The following FHOD3 variants were observed in gnomAD, a reference collection of about 807,000 sequenced individuals.
The protein encoded by FHOD3 is formin homology 2 domain containing 3.
FHOD3 carries 90 observed loss-of-function variants against 173.0 expected under a neutral mutation model. The ratio of observed to expected loss-of-function variants is 0.52; its 90% confidence interval spans 0.44 to 0.62. FHOD3 has a LOEUF of 0.62. Ranked by LOEUF, FHOD3 falls within the 20% of genes least tolerant of loss-of-function variation. The probability of loss-of-function intolerance (pLI) is 0.00; values close to 1 mark genes in which losing one functional copy is unlikely to be tolerated. For synonymous variants in FHOD3, 828 were observed against 823.0 expected (o/e 1.01, Z -0.10); for missense variants, 1,945 against 2,034.7 (o/e 0.96, Z 0.85).
chr18:36,563,162 A>G (rs528101264), intron 5 of FHOD3, among the ~76,000 whole-genome samples: 1 of 152,352 alleles, frequency 6.6e-6, no homozygotes, highest in South Asian at 2.1e-4. Flanking sequence ...AATCCTAAAT[A>G]GAGAGAAGTA....
At chr18:36,454,386 C>A (rs933645573) in intron 3 of FHOD3, among the ~76,000 whole-genome samples, 1 of 152,124 alleles carries the variant, frequency 6.6e-6, no homozygotes, top group African/African-American at 2.4e-5. Context: ...AGCACACACA[C>A]AGGCATACAC....
chr18:36,652,030 G>T (rs897868392), intron 11 of FHOD3, among the ~76,000 whole-genome samples: 1 of 152,114 alleles, frequency 6.6e-6, no homozygotes, highest in African/African-American at 2.4e-5. Context: ...TGCCTTCCTC[G>T]CTGGCATTTT....
intron 6 of FHOD3, among the ~76,000 whole-genome samples, chr18:36,589,791 A>ACTC (rs1157606325): frequency 6.6e-6 from 1 of 150,518 alleles, no homozygotes; most frequent in Non-Finnish European, 1.5e-5. Context: ...GTTGCCCTGT[A>ACTC]CTCCTGTGTG....
intron 20 of FHOD3, among the ~76,000 whole-genome samples, chr18:36,733,054 A>C (rs2041452185): frequency 6.6e-6 from 1 of 152,218 alleles, no homozygotes; most frequent in Non-Finnish European, 1.5e-5. Context: ...CCGACCTCCC[A>C]GTAGAGAGCA....
At chr18:36,360,023 G>A (rs117876148) in intron 2 of FHOD3, among the ~76,000 whole-genome samples, 45 of 152,344 alleles carry the variant, frequency 3.0e-4, no homozygotes, top group Non-Finnish European at 5.4e-4. Context: ...AAGAGACCTC[G>A]ATGGAGGTTT....
At chr18:36,467,326 G>A (rs1207044353) in intron 3 of FHOD3, among the ~76,000 whole-genome samples, 2 of 152,308 alleles carry the variant, frequency 1.3e-5, no homozygotes, top group South Asian at 2.1e-4. Flanking sequence ...AAGCCATTGT[G>A]TGAAGAACAT....
rs1273778594 is a variant in FHOD3, at chr18:36,763,525, ATAAT to A, written c.4624+2744_4624+2747del. Among the ~76,000 whole-genome samples, 4 of 138,016 alleles carry A rather than the reference ATAAT, an allele frequency of 2.9e-5. 1 individual carries two copies. Among genetic ancestry groups the A allele is most frequent in the Non-Finnish European group, 6.2e-5 (4 of 64,372 alleles). The allele number at this position is 138,016 out of a possible 152,430, so 90.5% of individuals were successfully genotyped here. On this transcript the variant is annotated intron_variant, in intron 27 of 28. Coordinates refer to ENST00000590592, the MANE Select transcript of FHOD3 (RefSeq NM_001281740.3). ...AATATGTGTATTATACACGTTATAT[ATAAT>A]ATGTGTATTATACACGTTATATATA... is the stretch of plus-strand genomic sequence containing the variant.
chr18:36,546,197 GT>G, intron 5 of FHOD3, among the ~76,000 whole-genome samples: 1 of 152,296 alleles, frequency 6.6e-6, no homozygotes, highest in African/African-American at 2.4e-5. Context: ...ATCTTGAGAT[GT>G]TTCTGGCAAC....
At chr18:36,639,755 G>A (rs144915237) in intron 10 of FHOD3, among the ~76,000 whole-genome samples, 3,787 of 151,094 alleles carry the variant, frequency 0.025, 172 homozygotes, top group African/African-American at 0.088. Flanking sequence ...CCTGGGAGGC[G>A]GAGCTTGCAG....
chr18:36,364,870 C>T (rs2046819477), intron 2 of FHOD3, among the ~76,000 whole-genome samples: 1 of 151,658 alleles, frequency 6.6e-6, no homozygotes, highest in Non-Finnish European at 1.5e-5. Context: ...GAGTGGTGAG[C>T]AGGAGATTTA....
intron 9 of FHOD3, among the ~76,000 whole-genome samples, chr18:36,614,336 C>A (rs1229790476): frequency 3.3e-5 from 5 of 152,206 alleles, no homozygotes; most frequent in Admixed American, 6.5e-5. Context: ...CTACTTTGTT[C>A]ATAGTTGTGC....
At position 36,594,805 on chromosome 18, in the gene FHOD3, A is replaced by G. The variant is rs1402588334; in HGVS notation, c.625A>G (p.Thr209Ala). ...IGSKFRLVVK[T>A]ALKLLLVFVE... ...CTGCCAGTTCCGCCTGGTGGTGAAGACAGCCCTGAAGCTGCTGCTCGTCTT... is the reference window on the plus strand; with the variant it reads ...CTGCCAGTTCCGCCTGGTGGTGAAGGCAGCCCTGAAGCTGCTGCTCGTCTT... Residue 209 changes from threonine to alanine, a missense_variant, in exon 7 of 29, where the codon ACA becomes GCA. Around this residue, in one of 5 missense-constraint regions of FHOD3, gnomAD observed 245 missense variants for 267.7 expected, o/e 0.92. Transcript: ENST00000590592. 1.2e-6 allele frequency: 2 copies of G among 1,613,614 alleles called. No individual in the cohort carries two copies. Among genetic ancestry groups the G allele is most frequent in the South Asian group, 1.1e-5 (1 of 90,994 alleles).
intron 6 of FHOD3, among the ~76,000 whole-genome samples, chr18:36,585,371 TG>T (rs2058992664): frequency 6.6e-6 from 1 of 152,222 alleles, no homozygotes; most frequent in South Asian, 2.1e-4. Context: ...ACCGGCCACT[TG>T]GCTGTGCATA....
intron 5 of FHOD3, among the ~76,000 whole-genome samples, chr18:36,535,871 G>C (rs961470127): frequency 6.6e-6 from 1 of 152,100 alleles, no homozygotes; most frequent in African/African-American, 2.4e-5. Context: ...TAGGCATTTT[G>C]GTCCAAGAGG....
intron 3 of FHOD3, among the ~76,000 whole-genome samples, chr18:36,373,693 G>A (rs2047301577): frequency 3.3e-5 from 5 of 152,248 alleles, no homozygotes; most frequent in Admixed American, 3.3e-4. Context: ...AGGTCAGGGT[G>A]TCAGGAGGAT....
At chr18:36,513,628 G>A (rs1247862605) in intron 5 of FHOD3, among the ~76,000 whole-genome samples, 1 of 152,180 alleles carries the variant, frequency 6.6e-6, no homozygotes, top group Non-Finnish European at 1.5e-5. Context: ...AACTGACACA[G>A]TCATCTCAGC....
rs140903077 is a variant in FHOD3, at chr18:36,307,197, C to T, written c.165+9197C>T. 1.4e-3 allele frequency among the ~76,000 whole-genome samples: 216 copies of T among 152,154 alleles called. 1 individual carries two copies. In the Middle Eastern group the frequency reaches 0.017, roughly 12 times the overall value. ...CAGGGTGGTCTCGAATTCCTGACCT[C>T]GTAATCTGCCCGCGTCAGCCTCCCA... On this transcript the variant is annotated intron_variant, in intron 1 of 28. Coordinates refer to ENST00000590592, the MANE Select transcript of FHOD3 (RefSeq NM_001281740.3).
chr18:36,737,388 A>G (rs780088765), intron 20 of FHOD3, among the ~76,000 whole-genome samples: 3 of 152,222 alleles, frequency 2.0e-5, no homozygotes, highest in Admixed American at 6.5e-5. Context: ...TATTTTGAAG[A>G]CTAATTGAGT....
chr18:36,672,710 T>C (rs1473040992), intron 14 of FHOD3, among the ~76,000 whole-genome samples: 1 of 152,170 alleles, frequency 6.6e-6, no homozygotes, highest in African/African-American at 2.4e-5. Context: ...GTTGCTGCAA[T>C]ATTCTGTGTC....
Sources: allele counts gnomAD v4.1 joint callset (sites outside exome capture counted in the v4.1 genomes callset), GRCh38; gene constraint gnomAD v4.1.1; regional missense constraint gnomAD v4.1.1; transcripts MANE v1.5; gene names NCBI Gene and HGNC (gene_info 2026-07-23, HGNC 2026-07-21).